C2CD5: variants seen among roughly 807,000 people sequenced by gnomAD.
C2CD5 encodes the protein C2 domain-containing protein 5.
C2CD5 carries 109 observed loss-of-function variants against 130.3 expected under a neutral mutation model. The ratio of observed to expected loss-of-function variants is 0.84; its 90% confidence interval spans 0.72 to 0.98. C2CD5 has a LOEUF of 0.98. Among genes scored for constraint, C2CD5 ranks in the 50% least tolerant of loss-of-function variants. The pLI, the probability that C2CD5 is intolerant of heterozygous loss-of-function variation, is 0.00. For missense variants in C2CD5, 996 were observed against 1,261.8 expected, an observed-to-expected ratio of 0.79 and a Z score of 3.19; for synonymous variants, 454 against 429.2, an observed-to-expected ratio of 1.06 and a Z score of -0.71.
At chr12:22,471,637 C>T (rs750134739) in intron 19 of C2CD5, 149 bp from the exon 20 acceptor site, 11 of 488,966 alleles carry the variant, frequency 2.2e-5, no homozygotes, top group Admixed American at 7.5e-5. Context: ...TTTACACTAA[C>T]GATATACTTT....
chr12:22,478,710 G>A (rs1260546425), intron 14 of C2CD5, among the ~76,000 whole-genome samples: 1 of 152,110 alleles, frequency 6.6e-6, no homozygotes, highest in Non-Finnish European at 1.5e-5. Context: ...GCCAGGTGTA[G>A]TGGTGTGTGC....
chr12:22,507,545 A>G (rs1948704467), intron 9 of C2CD5, among the ~76,000 whole-genome samples: 1 of 152,254 alleles, frequency 6.6e-6, no homozygotes, highest in African/African-American at 2.4e-5. Context: ...TCATCAACTT[A>G]GAGACAAAGA....
chr12:22,519,645 C>A (rs955846730), intron 7 of C2CD5, among the ~76,000 whole-genome samples: 4 of 151,906 alleles, frequency 2.6e-5, no homozygotes, highest in Admixed American at 2.6e-4. Context: ...ATATAAAGTT[C>A]TTATATTACC....
chr12:22,481,055 T>C (rs891611881), intron 14 of C2CD5, among the ~76,000 whole-genome samples: 1 of 152,140 alleles, frequency 6.6e-6, no homozygotes, highest in Non-Finnish European at 1.5e-5. Flanking sequence ...TCTGCCCACC[T>C]CAGCCTCTCA....
chr12:22,514,751 T>C (rs975529939), intron 8 of C2CD5, among the ~76,000 whole-genome samples: 2 of 151,988 alleles, frequency 1.3e-5, no homozygotes, highest in African/African-American at 4.8e-5. Flanking sequence ...TCTATGTCCT[T>C]ATATAATTTT....
At chr12:22,473,483 C>A (rs1433189869) in intron 16 of C2CD5, among the ~76,000 whole-genome samples, 2 of 152,126 alleles carry the variant, frequency 1.3e-5, no homozygotes, top group African/African-American at 4.8e-5. Flanking sequence ...CGTTCCACAC[C>A]CAGGATCTCG....
intron 13 of C2CD5, among the ~76,000 whole-genome samples, chr12:22,483,370 G>A (rs1945007840): frequency 1.3e-5 from 2 of 151,998 alleles, no homozygotes; most frequent in East Asian, 1.9e-4. Flanking sequence ...AAAGTCACTT[G>A]AGCATCTACT....
intron 10 of C2CD5, among the ~76,000 whole-genome samples, chr12:22,504,259 C>CAA (rs1948178993): frequency 6.6e-6 from 1 of 151,418 alleles, no homozygotes; most frequent in Non-Finnish European, 1.5e-5. Context: ...ATAGCTTACT[C>CAA]AGAGTACATG....
At chr12:22,488,395 T>C (rs1230181390) in intron 12 of C2CD5, among the ~76,000 whole-genome samples, 1 of 151,952 alleles carries the variant, frequency 6.6e-6, no homozygotes, top group Non-Finnish European at 1.5e-5. Flanking sequence ...GCAGTAATAA[T>C]TTTTATAGCA....
intron 5 of C2CD5, among the ~76,000 whole-genome samples, chr12:22,525,319 C>T (rs1950628384): frequency 6.6e-6 from 1 of 152,136 alleles, no homozygotes; most frequent in South Asian, 2.1e-4. Context: ...TATTTTGGGA[C>T]AGCACCATAG....
At chr12:22,504,368 C>T (rs7959757) in intron 10 of C2CD5, among the ~76,000 whole-genome samples, 5,774 of 149,286 alleles carry the variant, frequency 0.039, 375 homozygotes, top group African/African-American at 0.14. Flanking sequence ...GTGGCACGAT[C>T]TCAGCTCACT....
intron 2 of C2CD5, among the ~76,000 whole-genome samples, chr12:22,541,584 A>G (rs1180049991): frequency 1.3e-5 from 2 of 152,068 alleles, no homozygotes; most frequent in Admixed American, 6.6e-5. Context: ...AAATCTCTAC[A>G]TGAGATCTCC....
At position 22,459,540 on chromosome 12, in the gene C2CD5, G is replaced by C. The variant is rs1223818017; in HGVS notation, c.2536C>G (p.His846Asp). ...PSHPFPPAKE[H>D]LESASSNSGI... ...GAGTTAGAACTTGCACTCTCCAGGT[G>C]TTCTAATAAGACAATATGAACAACA... The change falls in exon 23 of 27, where the codon CAC (histidine) becomes GAC (aspartate). Residue 846 changes from histidine (H) to aspartate (D), a missense_variant and splice_region_variant. Physicochemically the swap from His to Asp is moderately conservative, Grantham distance 81 (BLOSUM62 -1). This residue lies in a region of C2CD5 where 590 missense variants were observed against 631.4 expected (regional missense o/e 0.93). Coordinates refer to ENST00000446597, the MANE Select transcript of C2CD5 (RefSeq NM_001286176.2). The C allele has an allele frequency of 6.6e-7, 1 of 1,525,366 alleles. No individual in the cohort carries two copies. The highest frequency in any genetic ancestry group is 1.2e-5 in the South Asian group (1 of 83,806). The allele number at this position is 1,525,366 out of a possible 1,614,324, so 94.5% of individuals were successfully genotyped here.
chr12:22,519,171 G>A, intron 7 of C2CD5: 3 of 1,535,822 alleles, frequency 2.0e-6, no homozygotes, highest in Non-Finnish European at 2.6e-6. Flanking sequence ...TCGTGAGCCA[G>A]TAGCAGTGTG....
At chr12:22,475,200 T>C (rs573233151) in intron 15 of C2CD5, among the ~76,000 whole-genome samples, 4 of 152,288 alleles carry the variant, frequency 2.6e-5, no homozygotes, top group South Asian at 2.1e-4. Flanking sequence ...AATCCAGTAC[T>C]GCTGTGTGTG....
chr12:22,480,688 T>A (rs908208854), intron 14 of C2CD5, among the ~76,000 whole-genome samples: 43 of 152,182 alleles, frequency 2.8e-4, no homozygotes, highest in Non-Finnish European at 5.7e-4. Flanking sequence ...ATCATTACAG[T>A]CTTGCATCAA....
At chr12:22,517,754 G>A (rs1375829180) in intron 8 of C2CD5, among the ~76,000 whole-genome samples, 1 of 151,972 alleles carries the variant, frequency 6.6e-6, no homozygotes, top group East Asian at 1.9e-4. Flanking sequence ...AAAATAAATC[G>A]TGGACTTTGA....
At chr12:22,506,935 C>A in intron 9 of C2CD5, 116 bp from the exon 10 acceptor site, 1 of 658,486 alleles carries the variant, frequency 1.5e-6, no homozygotes, top group Non-Finnish European at 2.7e-6. Flanking sequence ...AAAGGCCACC[C>A]ATTACACATC....
At chr12:22,451,044 C>T (rs1410809663) in intron 26 of C2CD5, among the ~76,000 whole-genome samples, 1 of 151,556 alleles carries the variant, frequency 6.6e-6, no homozygotes, top group Non-Finnish European at 1.5e-5. Flanking sequence ...TGTATAAAAT[C>T]TCTCTGGTTA....
Sources: allele counts gnomAD v4.1 joint callset (sites outside exome capture counted in the v4.1 genomes callset), GRCh38; gene constraint gnomAD v4.1.1; regional missense constraint gnomAD v4.1.1; transcripts MANE v1.5; gene names NCBI Gene and HGNC (gene_info 2026-07-23, HGNC 2026-07-21).